CHSY3: variants seen among roughly 807,000 people sequenced by gnomAD.
The protein encoded by CHSY3 is chondroitin sulfate synthase 3.
In CHSY3, 35 loss-of-function variants were observed where a neutral mutation model predicts 67.2. That is an observed-to-expected ratio of 0.52 (90% CI 0.40 to 0.69). CHSY3 has a LOEUF of 0.69. Ranked by LOEUF, CHSY3 falls within the 30% of genes least tolerant of loss-of-function variation. The pLI, the probability that CHSY3 is intolerant of heterozygous loss-of-function variation, is 0.00. For synonymous variants in CHSY3, 474 were observed against 434.7 expected (o/e 1.09, Z -1.12); for missense variants, 1,069 against 1,138.5 (o/e 0.94, Z 0.88).
Position 130,143,730 on chromosome 5 carries a change from G to GTATATATATA in CHSY3, c.1087-40498_1087-40497insATATATATAT, listed in dbSNP as rs1285066017. Among the ~76,000 whole-genome samples the GTATATATATA allele has an allele frequency of 1.0e-3, 106 of 104,508 alleles. 3 individuals are homozygous for GTATATATATA. The highest frequency in any genetic ancestry group is 2.8e-3 in the African/African-American group (68 of 24,332). The allele number at this position is 104,508 out of a possible 152,430, so 68.6% of individuals were successfully genotyped here. On this transcript the variant is annotated intron_variant, in intron 2 of 2. Transcript: ENST00000305031. Reference sequence around the variant, plus strand: ...AGGGTATATATATATATGTGTGTGTGTGTGTATATATATATATATATATAT... The same window carrying GTATATATATA: ...AGGGTATATATATATATGTGTGTGTGTATATATATATGTGTATATATATATATATATATAT...
At chr5:130,163,799 G>C (rs1351506571) in intron 2 of CHSY3, among the ~76,000 whole-genome samples, 3 of 151,626 alleles carry the variant, frequency 2.0e-5, no homozygotes, top group African/African-American at 7.3e-5. Flanking sequence ...AAATTAGAAA[G>C]TAAAGCATTA....
intron 2 of CHSY3, among the ~76,000 whole-genome samples, chr5:130,060,539 C>T (rs975389279): frequency 1.3e-5 from 2 of 152,096 alleles, no homozygotes; most frequent in African/African-American, 4.8e-5. Context: ...TTTCATTCAA[C>T]ATAGGACTGG....
At chr5:129,930,515 G>T (rs371338428) in intron 2 of CHSY3, among the ~76,000 whole-genome samples, 1,925 of 145,632 alleles carry the variant, frequency 0.013, 57 homozygotes, top group African/African-American at 0.032. Flanking sequence ...TGGCGGGGGG[G>T]GGGTATGAAG....
intron 2 of CHSY3, among the ~76,000 whole-genome samples, chr5:130,075,384 C>A (rs949010817): frequency 2.0e-5 from 3 of 152,196 alleles, no homozygotes; most frequent in African/African-American, 7.2e-5. Context: ...ATATTATATA[C>A]TTTAATTACT....
At chr5:129,977,223 A>G (rs1459976621) in intron 2 of CHSY3, among the ~76,000 whole-genome samples, 1 of 152,166 alleles carries the variant, frequency 6.6e-6, no homozygotes, top group Non-Finnish European at 1.5e-5. Context: ...AAGGTCACAC[A>G]CTTTTCATTA....
chr5:130,062,443 G>C (rs1304659157), intron 2 of CHSY3, among the ~76,000 whole-genome samples: 3 of 152,106 alleles, frequency 2.0e-5, no homozygotes, highest in African/African-American at 7.2e-5. Flanking sequence ...TTGCCTGTCA[G>C]ATAAAATGTT....
intron 2 of CHSY3, among the ~76,000 whole-genome samples, chr5:130,126,625 C>T (rs753156753): frequency 5.9e-5 from 9 of 152,122 alleles, no homozygotes; most frequent in Non-Finnish European, 1.2e-4. Flanking sequence ...AGTCTATAAA[C>T]TGAAAAATGC....
intron 2 of CHSY3, among the ~76,000 whole-genome samples, chr5:130,172,083 A>G (rs1437165797): frequency 6.6e-6 from 1 of 152,050 alleles, no homozygotes; most frequent in African/African-American, 2.4e-5. Flanking sequence ...TTCTTTCTCT[A>G]GGATTATAGT....
chr5:129,959,381 A>G (rs1412271306), intron 2 of CHSY3, among the ~76,000 whole-genome samples: 2 of 152,056 alleles, frequency 1.3e-5, no homozygotes, highest in African/African-American at 2.4e-5. Context: ...ATAGCTACCT[A>G]TGGGATTGTA....
At chr5:129,946,511 C>T (rs1330162296) in intron 2 of CHSY3, among the ~76,000 whole-genome samples, 8 of 152,084 alleles carry the variant, frequency 5.3e-5, no homozygotes, top group African/African-American at 1.9e-4. Flanking sequence ...AATTTCCATA[C>T]ACTAAAAAAA....
At chr5:130,117,281 T>A (rs1767841248) in intron 2 of CHSY3, among the ~76,000 whole-genome samples, 1 of 152,148 alleles carries the variant, frequency 6.6e-6, no homozygotes, top group South Asian at 2.1e-4. Flanking sequence ...ATGTTACTAA[T>A]CTCTACACTA....
intron 2 of CHSY3, among the ~76,000 whole-genome samples, chr5:130,066,749 T>A (rs903612858): frequency 1.3e-5 from 2 of 152,058 alleles, no homozygotes; most frequent in African/African-American, 4.8e-5. Context: ...CTACTCTGAG[T>A]ATTTAGGCCA....
Position 130,021,556 on chromosome 5 carries a change from G to T in CHSY3, c.1086+113196G>T, listed in dbSNP as rs549375222. 4.6e-3 allele frequency among the ~76,000 whole-genome samples: 696 copies of T among 152,022 alleles called. 9 individuals carry two copies. The highest frequency in any genetic ancestry group is 0.016 in the African/African-American group (651 of 41,496). ...CCAGTAAAGAATGTTCACACAACCT[G>T]TTTTTCTTTTTTTTCCCCCGTCTCA... On this transcript the variant is annotated intron_variant, in intron 2 of 2. Coordinates refer to ENST00000305031, the MANE Select transcript of CHSY3 (RefSeq NM_175856.5).
chr5:130,101,408 C>T (rs1357518982), intron 2 of CHSY3, among the ~76,000 whole-genome samples: 1 of 151,878 alleles, frequency 6.6e-6, no homozygotes, highest in African/African-American at 2.4e-5. Flanking sequence ...AAAAAATTAC[C>T]AAAAAGATAT....
At chr5:130,087,571 T>G (rs971982086) in intron 2 of CHSY3, among the ~76,000 whole-genome samples, 1 of 151,150 alleles carries the variant, frequency 6.6e-6, no homozygotes, top group Non-Finnish European at 1.5e-5. Flanking sequence ...TATACACCAA[T>G]AACAGACAAA....
intron 2 of CHSY3, among the ~76,000 whole-genome samples, chr5:130,169,176 G>A (rs530990683): frequency 6.6e-6 from 1 of 151,874 alleles, no homozygotes; most frequent in South Asian, 2.1e-4. Flanking sequence ...CTGTATACAC[G>A]GCAGTGAACT....
At chr5:130,054,459 A>G (rs1261529371) in intron 2 of CHSY3, among the ~76,000 whole-genome samples, 1 of 152,158 alleles carries the variant, frequency 6.6e-6, no homozygotes, top group Admixed American at 6.6e-5. Context: ...TAGCTCAAGA[A>G]AAAGTCTAGT....
At chr5:130,141,594 C>G (rs543275738) in intron 2 of CHSY3, 1 of 494,152 alleles carries the variant, frequency 2.0e-6, no homozygotes, top group Admixed American at 2.1e-5. Context: ...CTGAGAAATA[C>G]AGAGCTGAAG....
intron 2 of CHSY3, among the ~76,000 whole-genome samples, chr5:130,133,797 A>AG (rs1768568055): frequency 5.2e-5 from 3 of 58,012 alleles, no homozygotes; most frequent in Non-Finnish European, 1.2e-4. Context: ...AAAAAAAAAG[A>AG]AAAAAAAAAA....
Sources: allele counts gnomAD v4.1 joint callset (sites outside exome capture counted in the v4.1 genomes callset), GRCh38; gene constraint gnomAD v4.1.1; transcripts MANE v1.5; gene names NCBI Gene and HGNC (gene_info 2026-07-23, HGNC 2026-07-21).